Variants in C1orf21 observed in about 807,000 individuals in gnomAD.
C1orf21 encodes the protein uncharacterized protein C1orf21.
C1orf21 carries 3 observed loss-of-function variants against 18.7 expected under a neutral mutation model. The ratio of observed to expected loss-of-function variants is 0.16; its 90% CI spans 0.07 to 0.42. The LOEUF is 0.42. Among genes scored for constraint, C1orf21 ranks in the 10% least tolerant of loss-of-function variants. The pLI is 0.99. For missense variants in C1orf21, 104 were observed against 143.6 expected (o/e 0.72, Z 1.41); for synonymous variants, 41 against 46.4 (o/e 0.88, Z 0.47).
chr1:184,493,479 T>C (rs2101957118), intron 2 of C1orf21, among the ~76,000 whole-genome samples: 1 of 152,304 alleles, frequency 6.6e-6, no homozygotes, highest in Non-Finnish European at 1.5e-5. Context: ...CGAGTACAAA[T>C]CTTTATTTAG....
intron 1 of C1orf21, among the ~76,000 whole-genome samples, chr1:184,406,750 A>C (rs1048555766): frequency 2.0e-5 from 3 of 152,180 alleles, no homozygotes; most frequent in African/African-American, 7.2e-5. Flanking sequence ...GGTTTGTCAC[A>C]GTAAGTGTGT....
intron 2 of C1orf21, among the ~76,000 whole-genome samples, chr1:184,497,257 T>C (rs946889170): frequency 1.3e-5 from 2 of 152,262 alleles, no homozygotes; most frequent in African/African-American, 4.8e-5. Flanking sequence ...TAAGCTATCA[T>C]GGAGCATGCG....
At chr1:184,593,665 A>G (rs1659475641) in intron 4 of C1orf21, among the ~76,000 whole-genome samples, 1 of 152,220 alleles carries the variant, frequency 6.6e-6, no homozygotes, top group South Asian at 2.1e-4. Context: ...GAAATAGGGT[A>G]TACCCACTGC....
rs573974920 is a variant in C1orf21 at position 184,622,598 on chromosome 1, G to A, written c.*3042G>A. ...AGGCTTGCAGAGAACACAGAGTGGT[G>A]TTGTGGTCTATTTAGGGACAAAGAA... On this transcript the variant is annotated 3_prime_UTR_variant, in exon 6 of 6. Transcript: ENST00000235307. 6.5e-6 allele frequency: 1 copy of A among 152,826 alleles called. No individual in the cohort carries two copies. Among genetic ancestry groups the A allele is most frequent in the African/African-American group, 2.4e-5 (1 of 41,576 alleles). The allele number at this position is 152,826 out of a possible 1,614,324, so 9.5% of individuals were successfully genotyped here.
At chr1:184,532,599 T>G (rs1452096861) in intron 3 of C1orf21, among the ~76,000 whole-genome samples, 4 of 152,040 alleles carry the variant, frequency 2.6e-5, no homozygotes, top group African/African-American at 4.8e-5. Context: ...TAAAAAAAAT[T>G]AGCCAAGCCT....
intron 3 of C1orf21, 100 bp downstream of exon 3, chr1:184,507,782 A>G (rs1658086227): frequency 5.5e-6 from 5 of 915,412 alleles, no homozygotes; most frequent in Admixed American, 3.3e-5. Flanking sequence ...CTGGCACAAG[A>G]TTTCTTGAAA....
chr1:184,554,688 G>C (rs558002477), intron 3 of C1orf21, among the ~76,000 whole-genome samples: 5 of 152,134 alleles, frequency 3.3e-5, no homozygotes, highest in Non-Finnish European at 7.4e-5. Flanking sequence ...AAGGAAATCT[G>C]TATAACAAAT....
At chr1:184,529,794 T>C (rs1480587075) in intron 3 of C1orf21, among the ~76,000 whole-genome samples, 3 of 152,194 alleles carry the variant, frequency 2.0e-5, no homozygotes, top group Non-Finnish European at 4.4e-5. Context: ...TTAGAAGTCA[T>C]TGGGTCTGAT....
intron 3 of C1orf21, among the ~76,000 whole-genome samples, chr1:184,574,862 G>A (rs1033479423): frequency 6.6e-6 from 1 of 152,182 alleles, no homozygotes; most frequent in Non-Finnish European, 1.5e-5. Context: ...TGTCCCTGTC[G>A]GGCTGCGGAG....
chr1:184,552,718 A>C (rs970173493), intron 3 of C1orf21, among the ~76,000 whole-genome samples: 16 of 152,210 alleles, frequency 1.1e-4, no homozygotes, highest in Non-Finnish European at 2.9e-5. Flanking sequence ...GCATTTGCTC[A>C]AAGAATGATT....
At chr1:184,450,423 T>C (rs1433685159) in intron 1 of C1orf21, among the ~76,000 whole-genome samples, 2 of 152,166 alleles carry the variant, frequency 1.3e-5, no homozygotes, top group Admixed American at 6.5e-5. Context: ...TAGAATAAGC[T>C]ATCTGCTCAA....
intron 3 of C1orf21, among the ~76,000 whole-genome samples, chr1:184,514,251 G>A (rs1658192062): frequency 6.6e-6 from 1 of 152,174 alleles, no homozygotes; most frequent in Admixed American, 6.5e-5. Context: ...GCTGCAGTGA[G>A]GTCTGATCAT....
At chr1:184,492,637 G>C (rs1451622192) in intron 2 of C1orf21, among the ~76,000 whole-genome samples, 2 of 152,224 alleles carry the variant, frequency 1.3e-5, no homozygotes, top group African/African-American at 4.8e-5. Context: ...GCCTGAAGGT[G>C]AGAAAGCTTG....
At chr1:184,425,021 C>T (rs1656611278) in intron 1 of C1orf21, among the ~76,000 whole-genome samples, 1 of 152,114 alleles carries the variant, frequency 6.6e-6, no homozygotes, top group Non-Finnish European at 1.5e-5. Context: ...AGGTCTTTAA[C>T]TTAATTTCTG....
chr1:184,606,193 A>G (rs1285897526), intron 5 of C1orf21, among the ~76,000 whole-genome samples: 1 of 152,250 alleles, frequency 6.6e-6, no homozygotes, highest in Non-Finnish European at 1.5e-5. Context: ...GGATACAGCT[A>G]CAGCTGAATC....
intron 5 of C1orf21, 109 bp from the exon 6 acceptor site, chr1:184,619,409 A>T: frequency 8.4e-7 from 1 of 1,197,052 alleles, no homozygotes; most frequent in Non-Finnish European, 1.2e-6. Context: ...CAAAGCCTGG[A>T]TTCTGTTGCA....
intron 1 of C1orf21, among the ~76,000 whole-genome samples, chr1:184,460,614 G>GTCTTCTTCTTCT (rs1176335646): frequency 3.9e-5 from 5 of 127,280 alleles, no homozygotes; most frequent in African/African-American, 1.9e-4. Context: ...TAGTATTGTC[G>GTCTTCTTCTTCT]TCGTCGTCTT....
At chr1:184,572,173 A>G (rs929972371) in intron 3 of C1orf21, among the ~76,000 whole-genome samples, 1 of 152,210 alleles carries the variant, frequency 6.6e-6, no homozygotes, top group African/African-American at 2.4e-5. Flanking sequence ...AGAGACCATA[A>G]GAGACAAGGA....
chr1:184,566,114 A>C (rs553844341), intron 3 of C1orf21, among the ~76,000 whole-genome samples: 3 of 152,294 alleles, frequency 2.0e-5, no homozygotes, highest in African/African-American at 7.2e-5. Context: ...AAGATCCCCC[A>C]GCAAAGTAGG....
Sources: allele counts gnomAD v4.1 joint callset (sites outside exome capture counted in the v4.1 genomes callset), GRCh38; gene constraint gnomAD v4.1.1; transcripts MANE v1.5; gene names NCBI Gene and HGNC (gene_info 2026-07-23, HGNC 2026-07-21).